The following AATK variants were observed in gnomAD, a reference collection of about 807,000 sequenced individuals.
AATK encodes the protein lemur tail kinase 1, also known as serine/threonine-protein kinase LMTK1.
AATK carries 91 observed loss-of-function variants against 114.3 expected under a neutral mutation model. The observed-to-expected ratio is 0.80, with a 90% CI of 0.67 to 0.95. The LOEUF (loss-of-function observed/expected upper bound fraction) is 0.95, where lower values mean the gene tolerates loss of function less well. AATK is among the 40% of genes least tolerant of loss of function. The pLI, the probability that AATK is intolerant of heterozygous loss-of-function variation, is 0.00. For missense variants in AATK, 2,176 were observed against 1,965.2 expected (o/e 1.11, Z -2.03); for synonymous variants, 1,075 against 916.5 (o/e 1.17, Z -3.12).
chr17:81,160,482 G>A (rs550675370), intron 1 of AATK, among the ~76,000 whole-genome samples: 10 of 152,236 alleles, frequency 6.6e-5, no homozygotes, highest in South Asian at 6.2e-4. Context: ...CTTCCTCTGC[G>A]GGGGGGCGGG....
At position 81,121,333 on chromosome 17, in the gene AATK, G is replaced by C. The variant is rs1323378166; in HGVS notation, c.2603C>G (p.Ser868Ter). Residue 868 changes from serine to a stop codon, truncating the protein, a stop_gained, in exon 11 of 14, where the codon TCA (serine) becomes TGA (stop). Transcript: ENST00000326724. LOFTEE classifies it high-confidence loss of function. ...SEDEDTAEAT[S>*]GIFTDTSSDG... ...GCTGGACGTGTCGGTGAAGATGCCTGAGGTGGCCTCGGCCGTGTCCTCATC... is the reference window on the plus strand; with the variant it reads ...GCTGGACGTGTCGGTGAAGATGCCTCAGGTGGCCTCGGCCGTGTCCTCATC... 6.2e-7 allele frequency: 1 copy of C among 1,611,656 alleles called. No individual in the cohort carries two copies.
rs1474919010 is a variant in AATK, at chr17:81,165,931, G to A, written c.55+7C>T. ...GCGGCGCGCAGGCCGGGCCGCCAGG[G>A]ACTCACCGGGGTCGAAGTGCGAGCT... On this transcript the variant is annotated splice_region_variant and intron_variant, in intron 1 of 13. Coordinates refer to ENST00000326724, the MANE Select transcript of AATK (RefSeq NM_001080395.3). The A allele has an allele frequency of 6.3e-7, 1 of 1,578,214 alleles. No homozygotes were observed.
chr17:81,119,351 C>CTACCTCTCGCGTGCCT (rs1377302846), intron 13 of AATK, 29 bp downstream of exon 13: 13 of 1,549,114 alleles, frequency 8.4e-6, no homozygotes, highest in Admixed American at 1.9e-5. Context: ...CCCGCGTGCC[C>CTACCTCTCGCGTGCCT]TTCTGCCACA....
chr17:81,121,302 G>A lies in AATK; in HGVS notation c.2634C>T (p.Gly878=), dbSNP rs766395291. The change falls in exon 11 of 14, where the codon GGC becomes GGT. Residue 878 remains glycine, a synonymous_variant. Transcript: ENST00000326724. The stretch of plus-strand genomic sequence containing the variant: ...CCACATCCGGCCTCCTGGCCTGCAG[G>A]CCGTCGCTGGACGTGTCGGTGAAGA... The part of the protein sequence containing the change: ...SGIFTDTSSD[G]LQARRPDVVP... 5 of 1,611,940 alleles carry A rather than the reference G, an allele frequency of 3.1e-6. No individual in the cohort carries two copies. In the East Asian group the frequency reaches 6.7e-5, roughly 22 times the overall value.
intron 10 of AATK, among the ~76,000 whole-genome samples, 185 bp from the exon 11 acceptor site, chr17:81,123,008 C>T (rs191677695): frequency 3.3e-5 from 5 of 152,276 alleles, no homozygotes; most frequent in African/African-American, 1.2e-4. Context: ...GTGGGCTGGG[C>T]ACTATCCTTA....
At chr17:81,163,500 C>T (rs906188) in intron 1 of AATK, among the ~76,000 whole-genome samples, 125,900 of 152,156 alleles carry the variant, frequency 0.83, 52,201 homozygotes, top group East Asian at 0.97. Context: ...CTCAGAGAGG[C>T]TGGGTGAGTA....
At chr17:81,136,904 G>A (rs1385118259) in intron 1 of AATK, among the ~76,000 whole-genome samples, 1 of 152,152 alleles carries the variant, frequency 6.6e-6, no homozygotes, top group Non-Finnish European at 1.5e-5. Context: ...AACCACAGCG[G>A]TTCCCATCTG....
Position 81,121,667 on chromosome 17 carries a change from CA to C in AATK, c.2268del (p.Ala757LeufsTer88). 1 of 1,498,550 alleles carries C rather than the reference CA, an allele frequency of 6.7e-7. No homozygotes were observed. The allele number at this position is 1,498,550 out of a possible 1,614,324, so 92.8% of individuals were successfully genotyped here. On this transcript the variant is annotated frameshift_variant, in exon 11 of 14. Transcript: ENST00000326724. LOFTEE classifies it high-confidence loss of function. ...PHLCSAQGLAPAPCLVTPSWT... is the reference protein window; with the variant it reads ...PHLCSAQGLAXAPCLVTPSWT... ...CAGGAGGGTGTAACCAGGCAGGGAG[CA>C]GGTGCCAGGCCCTGGGCAGAGCATA... is the stretch of plus-strand genomic sequence containing the variant.
chr17:81,128,339 G>C (rs1421970846), intron 4 of AATK, 131 bp downstream of exon 4: 2 of 1,156,266 alleles, frequency 1.7e-6, no homozygotes, highest in Non-Finnish European at 2.5e-6. Context: ...CCTGGGGAAG[G>C]GTCCAGCAGG....
chr17:81,149,963 G>A (rs1419188195), intron 1 of AATK, among the ~76,000 whole-genome samples: 3 of 152,084 alleles, frequency 2.0e-5, no homozygotes, highest in Non-Finnish European at 4.4e-5. Flanking sequence ...TTTTTAATGG[G>A]AAATAACAAG....
chr17:81,140,839 G>GA (rs2061119706), intron 1 of AATK, among the ~76,000 whole-genome samples: 1 of 106,222 alleles, frequency 9.4e-6, no homozygotes, highest in African/African-American at 4.1e-5. Context: ...AGACCGTGGG[G>GA]CCGTGAGCCG....
chr17:81,124,255 C>T (rs1360836192), intron 9 of AATK, among the ~76,000 whole-genome samples: 2 of 151,272 alleles, frequency 1.3e-5, no homozygotes, highest in Non-Finnish European at 3.0e-5. Flanking sequence ...CGGCCCTGCC[C>T]CTTCCGAGTC....
intron 11 of AATK, 46 bp from the exon 12 acceptor site, chr17:81,120,129 C>A: frequency 1.3e-6 from 2 of 1,483,224 alleles, no homozygotes; most frequent in Non-Finnish European, 1.8e-6. Flanking sequence ...CCAGGAGCCG[C>A]GGCCGCTCCC....
intron 9 of AATK, among the ~76,000 whole-genome samples, 161 bp from the exon 10 acceptor site, chr17:81,123,504 G>A (rs8065953): frequency 1.3e-5 from 2 of 152,148 alleles, no homozygotes; most frequent in African/African-American, 2.4e-5. Flanking sequence ...AGGACAGCGC[G>A]TCCTTTCAGC....
rs562532533 is a variant in AATK, at chr17:81,157,271, T to C, written c.55+8667A>G. 4.6e-5 allele frequency among the ~76,000 whole-genome samples: 7 copies of C among 152,218 alleles called. No homozygotes were observed. The South Asian group carries it at 1.4e-3, about 32-fold the overall frequency. ...AAGCTTCCGGGACAAGCCCAGGACA[T>C]GGCAAGGTCCACGGGCCCGGGCCGG... On this transcript the variant is annotated intron_variant, in intron 1 of 13. Coordinates refer to ENST00000326724, the MANE Select transcript of AATK (RefSeq NM_001080395.3).
chr17:81,119,722 C>T (rs982104393), intron 12 of AATK, 142 bp from the exon 13 acceptor site: 122 of 1,105,386 alleles, frequency 1.1e-4, no homozygotes, highest in Non-Finnish European at 3.0e-5. Context: ...CGGGCCCAGG[C>T]CCCGCCTCCC....
intron 1 of AATK, among the ~76,000 whole-genome samples, chr17:81,142,279 C>CT (rs111660324): frequency 0.16 from 22,474 of 142,606 alleles, 1,836 homozygotes; most frequent in Middle Eastern, 0.22. Flanking sequence ...TTTTTCTTTT[C>CT]TTTTTTTTTT....
chr17:81,157,267 G>A (rs1020811012), intron 1 of AATK, among the ~76,000 whole-genome samples: 5 of 152,180 alleles, frequency 3.3e-5, no homozygotes, highest in African/African-American at 7.2e-5. Context: ...ACAAGCCCAG[G>A]ACATGGCAAG....
chr17:81,119,178 T>TGAGGGCCAGGC lies in AATK; in HGVS notation c.4084+201_4084+202insGCCTGGCCCTC, dbSNP rs1394057298. ...AGGTGAGGGTCAGGTGAGGGTCAGG[T>TGAGGGCCAGGC]GAGGGTCAGGTGAGGGCCAGGCGAG... On this transcript the variant is annotated intron_variant, in intron 13 of 13. Coordinates refer to ENST00000326724, the MANE Select transcript of AATK (RefSeq NM_001080395.3). Among the ~76,000 whole-genome samples, 383 of 76,464 alleles carry TGAGGGCCAGGC rather than the reference T, an allele frequency of 5.0e-3. 1 individual carries two copies. Among genetic ancestry groups the TGAGGGCCAGGC allele is most frequent in the Middle Eastern group, 0.015 (2 of 136 alleles). 50.2% of individuals were successfully genotyped at this position (76,464 alleles called of 152,430 possible).
Sources: gnomAD v4.1 joint callset for allele counts (sites outside exome capture counted in the v4.1 genomes callset) on GRCh38, gnomAD v4.1.1 for gene constraint, MANE v1.5 for transcripts, NCBI Gene and HGNC (gene_info 2026-07-23, HGNC 2026-07-21) for gene names.